OPCML: variants seen among roughly 807,000 people sequenced by gnomAD.
OPCML encodes opioid binding protein/cell adhesion molecule like, also known as opioid-binding protein/cell adhesion molecule.
OPCML carries 13 observed loss-of-function variants against 37.8 expected under a neutral mutation model. The observed-to-expected ratio is 0.34, with a 90% CI of 0.22 to 0.55. The LOEUF is 0.55. OPCML is among the 20% of genes least tolerant of loss of function. OPCML has a pLI of 0.91. For missense variants in OPCML, 341 were observed against 435.6 expected, an observed-to-expected ratio of 0.78 and a Z score of 1.93; for synonymous variants, 176 against 168.8, an observed-to-expected ratio of 1.04 and a Z score of -0.33.
chr11:132,658,069 G>T (rs570733794), intron 2 of OPCML, among the ~76,000 whole-genome samples: 3 of 152,148 alleles, frequency 2.0e-5, no homozygotes, highest in Admixed American at 2.0e-4. Flanking sequence ...CACAAACAAG[G>T]CCTGTGTGTC....
intron 2 of OPCML, among the ~76,000 whole-genome samples, chr11:132,710,743 T>TACTC (rs1169637825): frequency 5.3e-4 from 81 of 151,518 alleles, no homozygotes; most frequent in African/African-American, 1.9e-3. Flanking sequence ...TAGTTCCAGC[T>TACTC]ACTCAGGAGG....
chr11:132,875,799 C>T (rs1209155302), intron 2 of OPCML, among the ~76,000 whole-genome samples: 1 of 152,152 alleles, frequency 6.6e-6, no homozygotes, highest in African/African-American at 2.4e-5. Flanking sequence ...TCCTTTCCAG[C>T]AGAGGCCGTG....
chr11:133,254,625 C>A (rs1025915516), intron 1 of OPCML, among the ~76,000 whole-genome samples: 2 of 152,140 alleles, frequency 1.3e-5, no homozygotes, highest in African/African-American at 4.8e-5. Flanking sequence ...GAGGAGATGG[C>A]TATAGCAGAT....
intron 1 of OPCML, among the ~76,000 whole-genome samples, chr11:133,321,775 G>A (rs574045984): frequency 3.3e-5 from 5 of 152,188 alleles, no homozygotes; most frequent in African/African-American, 4.8e-5. Flanking sequence ...AGTGCCAACC[G>A]GTTATTAGAA....
At chr11:132,439,760 C>T (rs570898692) in intron 4 of OPCML, among the ~76,000 whole-genome samples, 14 of 151,012 alleles carry the variant, frequency 9.3e-5, no homozygotes, top group African/African-American at 2.2e-4. Flanking sequence ...ATTTCTACTA[C>T]GATGACTCCA....
Position 132,441,158 on chromosome 11 carries a change from C to CTTTTTTTTTTTTTTTTTTTTTTTTT in OPCML, c.506-3800_506-3799insAAAAAAAAAAAAAAAAAAAAAAAAA, listed in dbSNP as rs749099654. 7.4e-5 allele frequency among the ~76,000 whole-genome samples: 8 copies of CTTTTTTTTTTTTTTTTTTTTTTTTT among 108,056 alleles called. 1 individual carries two copies. Among genetic ancestry groups the CTTTTTTTTTTTTTTTTTTTTTTTTT allele is most frequent in the Non-Finnish European group, 1.1e-4 (6 of 55,708 alleles). 70.9% of individuals were successfully genotyped at this position (108,056 alleles called of 152,430 possible). A position where few individuals can be genotyped will look rare whatever the true frequency, so the allele number is the denominator to read the frequency against. The stretch of plus-strand genomic sequence containing the variant: ...ATTCTGAAGATGTGTTCACCAAGGA[C>CTTTTTTTTTTTTTTTTTTTTTTTTT]TTTTTTGTTTTTTTTTTTTTTTTTT... On this transcript the variant is annotated intron_variant, in intron 4 of 7. Transcript: ENST00000524381.
intron 2 of OPCML, among the ~76,000 whole-genome samples, chr11:132,703,260 T>C (rs1397933758): frequency 6.6e-6 from 1 of 152,204 alleles, no homozygotes. Flanking sequence ...TTGTATACTG[T>C]AGGCAATTGT....
intron 2 of OPCML, among the ~76,000 whole-genome samples, chr11:132,793,733 A>G (rs1938100544): frequency 6.6e-6 from 1 of 152,134 alleles, no homozygotes; most frequent in Non-Finnish European, 1.5e-5. Context: ...TCATCTCCTA[A>G]TATGTCTCAA....
At chr11:133,374,104 A>G (rs1402933106) in intron 1 of OPCML, among the ~76,000 whole-genome samples, 1 of 152,224 alleles carries the variant, frequency 6.6e-6, no homozygotes, top group Non-Finnish European at 1.5e-5. Flanking sequence ...TAAACAACCC[A>G]ATAATACATC....
chr11:133,377,612 G>GAAGAAAAAAAAAAAAAAAAA (rs1944837069), intron 1 of OPCML, among the ~76,000 whole-genome samples: 1 of 79,088 alleles, frequency 1.3e-5, no homozygotes, highest in African/African-American at 5.8e-5. Flanking sequence ...CCAGTATTCA[G>GAAGAAAAAAAAAAAAAAAAA]AAAAAAAAAA....
rs112753022 is a variant in OPCML at position 132,584,365 on chromosome 11, C to T, written c.380-55179G>A. Among the ~76,000 whole-genome samples, 1,189 of 152,200 alleles carry T rather than the reference C, an allele frequency of 7.8e-3. 20 individuals are homozygous for T. The highest frequency in any genetic ancestry group is 0.027 in the African/African-American group (1,112 of 41,528). ...AATCTATTAATGATTTTTCACAATC[C>T]TATCCTCTTAACAGTAGAGGGATAT... is the stretch of plus-strand genomic sequence containing the variant. On this transcript the variant is annotated intron_variant, in intron 3 of 7. Coordinates refer to ENST00000524381, the MANE Select transcript of OPCML (RefSeq NM_001012393.5).
intron 7 of OPCML, among the ~76,000 whole-genome samples, chr11:132,431,029 C>T (rs1413574321): frequency 6.6e-6 from 1 of 152,198 alleles, no homozygotes; most frequent in Admixed American, 6.5e-5. Flanking sequence ...AACCCAGCCA[C>T]CCCTGCTGTA....
chr11:132,655,009 C>T (rs1941634857), intron 3 of OPCML, among the ~76,000 whole-genome samples: 1 of 152,226 alleles, frequency 6.6e-6, no homozygotes, highest in Non-Finnish European at 1.5e-5. Context: ...AGGGAGACCC[C>T]ACAGGCTGCC....
Position 133,418,074 on chromosome 11 carries a change from T to C in OPCML, c.61+114190A>G, listed in dbSNP as rs1945806768. On this transcript the variant is annotated intron_variant, in intron 1 of 7. Transcript: ENST00000524381. ...AGAACTGCTTGAACACAGTGCTACT[T>C]ACAAAGTATGCCATCTGTGGTTCGG... The C allele has an allele frequency of 4.1e-6, 4 of 985,288 alleles. No homozygotes were observed. In the African/African-American group the frequency reaches 7.0e-5, roughly 17 times the overall value. The allele number at this position is 985,288 out of a possible 1,614,324, so 61.0% of individuals were successfully genotyped here. A position where few individuals can be genotyped will look rare whatever the true frequency, so the allele number is the denominator to read the frequency against.
chr11:132,944,153 C>T (rs895587667), intron 1 of OPCML, among the ~76,000 whole-genome samples: 3 of 146,650 alleles, frequency 2.0e-5, no homozygotes, highest in Non-Finnish European at 4.5e-5. Flanking sequence ...GGAGAGAACG[C>T]GGCGCCCCTC....
intron 1 of OPCML, among the ~76,000 whole-genome samples, chr11:132,952,181 C>T (rs146140710): frequency 5.5e-4 from 83 of 152,094 alleles, no homozygotes; most frequent in African/African-American, 1.8e-3. Flanking sequence ...GTGGAGTGGC[C>T]GAGAAGACAT....
intron 1 of OPCML, among the ~76,000 whole-genome samples, chr11:133,295,616 A>G (rs1219580703): frequency 2.0e-5 from 3 of 152,292 alleles, no homozygotes; most frequent in African/African-American, 7.2e-5. Context: ...TTTATTAGAG[A>G]AGTAAGAATG....
intron 1 of OPCML, among the ~76,000 whole-genome samples, chr11:133,167,383 C>G (rs572681375): frequency 3.7e-4 from 56 of 152,260 alleles, no homozygotes; most frequent in South Asian, 1.9e-3. Flanking sequence ...TCAACACAAT[C>G]CTATTTTCTT....
At chr11:133,159,588 T>C (rs1950114313) in intron 1 of OPCML, among the ~76,000 whole-genome samples, 2 of 152,230 alleles carry the variant, frequency 1.3e-5, no homozygotes. Context: ...CTAAAGCAAG[T>C]CATGCGGCCA....
Sources: allele counts gnomAD v4.1 joint callset (sites outside exome capture counted in the v4.1 genomes callset), GRCh38; gene constraint gnomAD v4.1.1; transcripts MANE v1.5; gene names NCBI Gene and HGNC (gene_info 2026-07-23, HGNC 2026-07-21).